GNA12: variants seen among roughly 807,000 people sequenced by gnomAD.
GNA12 encodes guanine nucleotide-binding protein subunit alpha-12.
Under a neutral mutation model 26.0 loss-of-function variants are expected in GNA12, and 9 were observed. The observed-to-expected ratio is 0.35, with a 90% CI of 0.21 to 0.60. The LOEUF is 0.60. GNA12 is among the 20% of genes least tolerant of loss of function. GNA12 has a pLI of 0.78. For missense variants in GNA12, 405 were observed against 525.8 expected (o/e 0.77, Z 2.25); for synonymous variants, 264 against 219.6 (o/e 1.20, Z -1.79).
chr7:2,782,256 GAC>G (rs1792247729), intron 2 of GNA12, among the ~76,000 whole-genome samples: 1 of 152,138 alleles, frequency 6.6e-6, no homozygotes. Flanking sequence ...TCTTAGCTTT[GAC>G]ACCAAAAGTG....
chr7:2,815,110 C>T (rs974022796), intron 1 of GNA12: 60 of 984,668 alleles, frequency 6.1e-5, no homozygotes, highest in Non-Finnish European at 8.2e-5. Context: ...AGGCCTTGCC[C>T]GCATGAGGCT....
chr7:2,794,634 TA>T, intron 2 of GNA12: 6 of 387,754 alleles, frequency 1.5e-5, no homozygotes, highest in Admixed American at 4.4e-5. Context: ...ACAAGATCTC[TA>T]AAAAAAACTA....
At chr7:2,806,028 T>C (rs1792938069) in intron 1 of GNA12, among the ~76,000 whole-genome samples, 2 of 152,264 alleles carry the variant, frequency 1.3e-5, no homozygotes, top group Non-Finnish European at 1.5e-5. Context: ...ATTTTGGATA[T>C]GTTGGATTCA....
chr7:2,794,712 G>C (rs1399295789), intron 2 of GNA12: 1 of 579,634 alleles, frequency 1.7e-6, no homozygotes, highest in East Asian at 2.9e-5. Flanking sequence ...GAAAGCTATT[G>C]ATCTTACCTG....
intron 1 of GNA12, among the ~76,000 whole-genome samples, chr7:2,836,408 C>T (rs188726369): frequency 6.6e-6 from 1 of 152,166 alleles, no homozygotes; most frequent in Non-Finnish European, 1.5e-5. Context: ...GGCAGGCTAC[C>T]CAGCGACCTC....
Position 2,735,490 on chromosome 7 carries a change from G to C in GNA12, c.526-1989C>G, listed in dbSNP as rs1025009498. On this transcript the variant is annotated intron_variant, in intron 2 of 3. Transcript: ENST00000275364. ...TCCGCCCAGATAGTACGGACGCAAG[G>C]GGAAAAGCACCACAGAGGGCACAAT... is the stretch of plus-strand genomic sequence containing the variant. Among the ~76,000 whole-genome samples, 11 of 152,178 alleles carry C rather than the reference G, an allele frequency of 7.2e-5. No individual in the cohort carries two copies. In the South Asian group the frequency reaches 1.9e-3, roughly 26 times the overall value.
intron 1 of GNA12, among the ~76,000 whole-genome samples, chr7:2,819,754 C>T (rs1045477100): frequency 3.3e-5 from 5 of 152,160 alleles, no homozygotes; most frequent in Admixed American, 6.5e-5. Context: ...AACACAAGCA[C>T]GGTTAGACCC....
At chr7:2,814,748 G>T in intron 1 of GNA12, 1 of 843,634 alleles carries the variant, frequency 1.2e-6, no homozygotes, top group South Asian at 1.6e-5. Flanking sequence ...TTCCACAGAA[G>T]TTTATCAGCC....
chr7:2,748,361 C>A (rs904026184), intron 2 of GNA12, among the ~76,000 whole-genome samples: 3 of 152,192 alleles, frequency 2.0e-5, no homozygotes, highest in Non-Finnish European at 2.9e-5. Context: ...TGCTGCATAT[C>A]TACAACTATC....
intron 1 of GNA12, among the ~76,000 whole-genome samples, chr7:2,800,239 G>A (rs767110936): frequency 1.6e-4 from 24 of 152,216 alleles, no homozygotes; most frequent in Non-Finnish European, 2.6e-4. Context: ...AAAAGATCAC[G>A]CACTATGCGA....
chr7:2,738,463 C>T (rs537203977), intron 2 of GNA12, among the ~76,000 whole-genome samples: 28 of 152,244 alleles, frequency 1.8e-4, no homozygotes, highest in African/African-American at 6.3e-4. Context: ...AGGAGGTTTC[C>T]GATACCCACT....
chr7:2,734,531 T>TGGA (rs1036598365), intron 2 of GNA12, among the ~76,000 whole-genome samples: 2 of 152,138 alleles, frequency 1.3e-5, no homozygotes, highest in Non-Finnish European at 2.9e-5. Flanking sequence ...GCCATCAGAA[T>TGGA]GGACTACGTG....
intron 2 of GNA12, among the ~76,000 whole-genome samples, chr7:2,746,296 A>G (rs1790760088): frequency 6.6e-6 from 1 of 152,234 alleles, no homozygotes; most frequent in Admixed American, 6.5e-5. Flanking sequence ...CAGCAAATGT[A>G]AAAGAACAGA....
intron 2 of GNA12, among the ~76,000 whole-genome samples, chr7:2,733,779 C>A (rs967102164): frequency 6.6e-6 from 1 of 152,208 alleles, no homozygotes; most frequent in African/African-American, 2.4e-5. Flanking sequence ...GCGATGCAGG[C>A]CCCTCTGATG....
chr7:2,826,896 C>T (rs552847449), intron 1 of GNA12, among the ~76,000 whole-genome samples: 1 of 152,272 alleles, frequency 6.6e-6, no homozygotes, highest in Admixed American at 6.5e-5. Context: ...CAGAACTATG[C>T]AACACAACGA....
intron 1 of GNA12, among the ~76,000 whole-genome samples, chr7:2,840,143 T>C (rs963737856): frequency 3.9e-5 from 6 of 152,196 alleles, no homozygotes; most frequent in East Asian, 1.9e-4. Context: ...GGTTGTAAGA[T>C]TGTGCTATCT....
At chr7:2,744,044 A>G (rs1790642731) in intron 2 of GNA12, among the ~76,000 whole-genome samples, 2 of 152,234 alleles carry the variant, frequency 1.3e-5, no homozygotes, top group African/African-American at 4.8e-5. Flanking sequence ...GGTGGAGCCC[A>G]CCACAGCTCA....
intron 2 of GNA12, among the ~76,000 whole-genome samples, chr7:2,768,494 A>G (rs903646027): frequency 2.6e-5 from 4 of 152,212 alleles, no homozygotes; most frequent in East Asian, 1.9e-4. Context: ...ATCACATCCT[A>G]GAGTCCTGAG....
intron 2 of GNA12, among the ~76,000 whole-genome samples, chr7:2,782,439 A>G (rs574341311): frequency 6.6e-6 from 1 of 152,142 alleles, no homozygotes; most frequent in African/African-American, 2.4e-5. Flanking sequence ...TCTGCCTTCT[A>G]TTTTACAAAA....
Sources: allele counts gnomAD v4.1 joint callset (sites outside exome capture counted in the v4.1 genomes callset), GRCh38; gene constraint gnomAD v4.1.1; transcripts MANE v1.5; gene names NCBI Gene and HGNC (gene_info 2026-07-23, HGNC 2026-07-21).